The following SPAG16 variants were observed in gnomAD, a reference collection of about 807,000 sequenced individuals.
SPAG16 encodes the protein sperm-associated antigen 16 protein.
In SPAG16, 86 loss-of-function variants were observed where a neutral mutation model predicts 80.4. That is an observed-to-expected ratio of 1.07 (90% CI 0.90 to 1.28). The LOEUF (loss-of-function observed/expected upper bound fraction) is 1.28, where lower values mean the gene tolerates loss of function less well. SPAG16 is among the 50% of genes most tolerant of loss of function. SPAG16 has a pLI of 0.00. For missense variants in SPAG16, 870 were observed against 765.3 expected (o/e 1.14, Z -1.61); for synonymous variants, 294 against 265.9 (o/e 1.11, Z -1.03).
chr2:213,522,849 A>G (rs1327030316), intron 10 of SPAG16, among the ~76,000 whole-genome samples: 1 of 149,174 alleles, frequency 6.7e-6, no homozygotes, highest in African/African-American at 2.4e-5. Flanking sequence ...ACATATATAT[A>G]AAAAAACTAA....
intron 12 of SPAG16, among the ~76,000 whole-genome samples, chr2:213,988,815 A>G (rs2046146206): frequency 6.6e-6 from 1 of 152,150 alleles, no homozygotes; most frequent in Non-Finnish European, 1.5e-5. Context: ...CATGAAAGAC[A>G]TACAGGGTTT....
At chr2:214,402,982 C>T (rs1701796558) in intron 15 of SPAG16, among the ~76,000 whole-genome samples, 1 of 149,738 alleles carries the variant, frequency 6.7e-6, no homozygotes, top group South Asian at 2.1e-4. Flanking sequence ...CACATCTCTC[C>T]ATCATGTTGT....
At chr2:214,131,684 T>G (rs2054790769) in intron 14 of SPAG16, among the ~76,000 whole-genome samples, 1 of 152,088 alleles carries the variant, frequency 6.6e-6, no homozygotes, top group African/African-American at 2.4e-5. Flanking sequence ...AAATGCACAT[T>G]ACTAAGTGAA....
rs555071778 is a variant in SPAG16 at position 213,302,309 on chromosome 2, A to G, written c.279+4952A>G. Among the ~76,000 whole-genome samples, 180 of 152,278 alleles carry G rather than the reference A, an allele frequency of 1.2e-3. 1 individual carries two copies. Among genetic ancestry groups the G allele is most frequent in the African/African-American group, 4.0e-3 (166 of 41,574 alleles). ...TTAAAAGCCGTAATGAGAGTTGTATATAATGTATAATAGGGATAAAAGTGT... is the reference window on the plus strand; with the variant it reads ...TTAAAAGCCGTAATGAGAGTTGTATGTAATGTATAATAGGGATAAAAGTGT... On this transcript the variant is annotated intron_variant, in intron 3 of 15. Coordinates refer to ENST00000331683, the MANE Select transcript of SPAG16 (RefSeq NM_024532.5).
chr2:213,633,935 CT>C (rs1265172732), intron 10 of SPAG16, among the ~76,000 whole-genome samples: 2 of 151,964 alleles, frequency 1.3e-5, no homozygotes, highest in East Asian at 3.9e-4. Flanking sequence ...AAGTGTGTTT[CT>C]TAGGAATAGA....
At chr2:213,640,800 A>T in intron 10 of SPAG16, among the ~76,000 whole-genome samples, 1 of 152,200 alleles carries the variant, frequency 6.6e-6, no homozygotes, top group Non-Finnish European at 1.5e-5. Flanking sequence ...TAGTAGAATT[A>T]GCTGTTATTT....
chr2:214,388,226 T>C (rs1257782109), intron 15 of SPAG16, among the ~76,000 whole-genome samples: 3 of 152,012 alleles, frequency 2.0e-5, no homozygotes, highest in East Asian at 1.9e-4. Context: ...CACAAATAGA[T>C]ACAGGTTTGG....
At chr2:213,498,225 C>T (rs2074580420) in intron 10 of SPAG16, among the ~76,000 whole-genome samples, 1 of 152,078 alleles carries the variant, frequency 6.6e-6, no homozygotes, top group Admixed American at 6.6e-5. Context: ...TAGTAATTGC[C>T]ATTTGCCAAT....
At chr2:213,492,855 T>C (rs2074324344) in intron 10 of SPAG16, among the ~76,000 whole-genome samples, 1 of 152,196 alleles carries the variant, frequency 6.6e-6, no homozygotes, top group Non-Finnish European at 1.5e-5. Flanking sequence ...TCAATAACAA[T>C]GCTTTGCTAA....
At chr2:213,597,848 T>C (rs1218320322) in intron 10 of SPAG16, among the ~76,000 whole-genome samples, 1 of 152,194 alleles carries the variant, frequency 6.6e-6, no homozygotes. Flanking sequence ...CTATATTTTA[T>C]GGGGGAGATT....
intron 10 of SPAG16, among the ~76,000 whole-genome samples, chr2:213,821,487 A>G (rs994038458): frequency 2.0e-5 from 3 of 152,200 alleles, no homozygotes; most frequent in Non-Finnish European, 4.4e-5. Flanking sequence ...ACATAAATGC[A>G]TAAGTAATAA....
chr2:213,904,607 A>C (rs2077360041), intron 11 of SPAG16, among the ~76,000 whole-genome samples: 1 of 151,428 alleles, frequency 6.6e-6, no homozygotes, highest in African/African-American at 2.4e-5. Flanking sequence ...TTGCAAAAAA[A>C]AAAAAAAAAA....
chr2:213,456,326 G>A (rs184791317), intron 9 of SPAG16, among the ~76,000 whole-genome samples: 13 of 152,236 alleles, frequency 8.5e-5, no homozygotes, highest in Non-Finnish European at 1.5e-4. Context: ...ACTGAGGAAT[G>A]CAAATACTTC....
At chr2:214,141,980 C>CG (rs2055386304) in intron 14 of SPAG16, among the ~76,000 whole-genome samples, 1 of 152,128 alleles carries the variant, frequency 6.6e-6, no homozygotes, top group Non-Finnish European at 1.5e-5. Context: ...TTCTGACTGT[C>CG]TTTACATTAT....
rs185954581 is a variant in SPAG16, at chr2:214,185,842, C to A, written c.1720+36576C>A. 3.0e-3 allele frequency among the ~76,000 whole-genome samples: 464 copies of A among 152,262 alleles called. 2 individuals carry two copies. Among genetic ancestry groups the A allele is most frequent in the Non-Finnish European group, 4.6e-3 (311 of 68,010 alleles). ...AAGCAGCCCCACAATACACACCCAA[C>A]AAGATATGCCCTTTTAGCCTTTCAT... On this transcript the variant is annotated intron_variant, in intron 15 of 15. Coordinates refer to ENST00000331683, the MANE Select transcript of SPAG16 (RefSeq NM_024532.5).
intron 9 of SPAG16, among the ~76,000 whole-genome samples, chr2:213,392,107 A>G (rs554209123): frequency 6.6e-6 from 1 of 152,326 alleles, no homozygotes; most frequent in South Asian, 2.1e-4. Flanking sequence ...GTGGTAATTT[A>G]AACGTAACCA....
chr2:213,887,928 A>G (rs1249796030), intron 11 of SPAG16, among the ~76,000 whole-genome samples: 1 of 151,814 alleles, frequency 6.6e-6, no homozygotes, highest in Non-Finnish European at 1.5e-5. Flanking sequence ...CCAACCTAAT[A>G]TGTACTTTTC....
intron 15 of SPAG16, among the ~76,000 whole-genome samples, chr2:214,199,315 C>T (rs950708496): frequency 6.6e-6 from 1 of 151,862 alleles, no homozygotes; most frequent in African/African-American, 2.4e-5. Flanking sequence ...TTCATTCTTC[C>T]ACATGTGTTT....
Position 214,177,971 on chromosome 2 carries a change from G to GTGTGTA in SPAG16, c.1720+28706_1720+28707insGTGTAT, listed in dbSNP as rs1397087073. Among the ~76,000 whole-genome samples, 273 of 59,342 alleles carry GTGTGTA rather than the reference G, an allele frequency of 4.6e-3. 9 individuals carry two copies. Among genetic ancestry groups the GTGTGTA allele is most frequent in the African/African-American group, 0.016 (257 of 16,122 alleles). The allele number at this position is 59,342 out of a possible 152,430, so 38.9% of individuals were successfully genotyped here. ...TTATATCTAACTTCACAAAGTGTAT[G>GTGTGTA]TATATATATATATATATATATATAT... On this transcript the variant is annotated intron_variant, in intron 15 of 15. Transcript: ENST00000331683.
Sources: allele counts gnomAD v4.1 joint callset (sites outside exome capture counted in the v4.1 genomes callset), GRCh38; gene constraint gnomAD v4.1.1; transcripts MANE v1.5; gene names NCBI Gene and HGNC (gene_info 2026-07-23, HGNC 2026-07-21).